ADSS2: variants seen among roughly 807,000 people sequenced by gnomAD.
The protein encoded by ADSS2 is adenylosuccinate synthase 2, also known as adenylosuccinate synthetase isozyme 2.
ADSS2 carries 30 observed loss-of-function variants against 60.0 expected under a neutral mutation model. That is an observed-to-expected ratio of 0.50 (90% CI 0.37 to 0.68). The LOEUF (loss-of-function observed/expected upper bound fraction) is 0.68. Ranked by LOEUF, ADSS2 falls within the 30% of genes least tolerant of loss-of-function variation. The pLI, the probability that ADSS2 is intolerant of heterozygous loss-of-function variation, is 0.00. For missense variants in ADSS2, 373 were observed against 554.8 expected, an observed-to-expected ratio of 0.67 and a Z score of 3.29; for synonymous variants, 187 against 193.1, an observed-to-expected ratio of 0.97 and a Z score of 0.26.
Position 244,432,586 on chromosome 1 carries a change from C to A in ADSS2, c.365G>T (p.Gly122Val). The A allele has an allele frequency of 6.4e-7, 1 of 1,573,664 alleles. No individual in the cohort carries two copies. The highest frequency in any genetic ancestry group is 8.7e-7 in the Non-Finnish European group (1 of 1,155,854). The change falls in exon 4 of 13, where the codon GGC becomes GTC. Residue 122 changes from glycine to valine, a missense_variant. Coordinates refer to ENST00000366535, the MANE Select transcript of ADSS2 (RefSeq NM_001126.5). ...KNVQKGKGLEGWEKRLIISDR... is the reference protein window; with the variant it reads ...KNVQKGKGLEVWEKRLIISDR... ...AGATATAATAAGCCTTTTTTCCCAG[C>A]CTTCTAGTCCTAGAAAGGGGAAAAA...
chr1:244,423,033 G>A (rs1191312065), intron 6 of ADSS2, 117 bp from the exon 7 acceptor site: 8 of 599,834 alleles, frequency 1.3e-5, no homozygotes, highest in African/African-American at 5.7e-5. Context: ...AATTAATCCT[G>A]AAACTGAAGT....
chr1:244,429,078 C>A (rs1462710136), intron 4 of ADSS2, among the ~76,000 whole-genome samples: 1 of 152,150 alleles, frequency 6.6e-6, no homozygotes, highest in Non-Finnish European at 1.5e-5. Context: ...CCAAGTACAG[C>A]ACTTAAATTA....
intron 11 of ADSS2, among the ~76,000 whole-genome samples, chr1:244,412,092 C>T (rs567725565): frequency 6.6e-6 from 1 of 152,166 alleles, no homozygotes. Context: ...GCTGCTGCCC[C>T]CCAGCAGCCC....
chr1:244,444,820 A>T (rs571706076), intron 1 of ADSS2, among the ~76,000 whole-genome samples: 18 of 152,284 alleles, frequency 1.2e-4, no homozygotes, highest in African/African-American at 3.9e-4. Flanking sequence ...AGCACATTAG[A>T]GTTTTGGAAA....
At position 244,411,378 on chromosome 1, in the gene ADSS2, G is replaced by T; in HGVS notation, c.1227C>A (p.Asn409Lys). 6 of 1,613,774 alleles carry T rather than the reference G, an allele frequency of 3.7e-6. No individual in the cohort carries two copies. The highest frequency in any genetic ancestry group is 5.1e-6 in the Non-Finnish European group (6 of 1,179,798). ...ACGCCCTTGCATTTGATATGTCTGT[G>T]TTCCATCCTGGGAGAGTCTTATATT... ...EVQYKTLPGW[N>K]TDISNARAFK... The change falls in exon 12 of 13, where the codon AAC (asparagine) becomes AAA (lysine). Residue 409 changes from asparagine to lysine, a missense_variant. By Grantham distance (94) the Asn-to-Lys change is moderately conservative. Around this residue, in one of 5 missense-constraint regions of ADSS2, gnomAD observed 130 missense variants for 169.4 expected, o/e 0.77. Coordinates refer to ENST00000366535, the MANE Select transcript of ADSS2 (RefSeq NM_001126.5).
chr1:244,438,557 G>C (rs1158900255), intron 1 of ADSS2, among the ~76,000 whole-genome samples: 5 of 151,554 alleles, frequency 3.3e-5, no homozygotes, highest in African/African-American at 9.7e-5. Context: ...AAAAAACATG[G>C]AAGAAAACAC....
At chr1:244,427,504 A>G (rs1355982754) in intron 4 of ADSS2, among the ~76,000 whole-genome samples, 1 of 152,198 alleles carries the variant, frequency 6.6e-6, no homozygotes, top group East Asian at 1.9e-4. Flanking sequence ...TAGTCTAAAC[A>G]TTCCAATTAA....
At chr1:244,433,927 C>G (rs1176042570) in intron 3 of ADSS2, among the ~76,000 whole-genome samples, 1 of 147,602 alleles carries the variant, frequency 6.8e-6, no homozygotes, top group African/African-American at 2.5e-5. Flanking sequence ...TAAAGTACTA[C>G]TGTCAATTAC....
chr1:244,432,468 T>C (rs1664967736), intron 4 of ADSS2, 77 bp downstream of exon 4: 1 of 1,076,780 alleles, frequency 9.3e-7, no homozygotes. Flanking sequence ...AAAGACAAAA[T>C]TAGTTACTAA....
At chr1:244,418,965 T>C in intron 8 of ADSS2, 51 bp from the exon 9 acceptor site, 1 of 1,452,108 alleles carries the variant, frequency 6.9e-7, no homozygotes, top group Non-Finnish European at 9.3e-7. Context: ...AATAACACAT[T>C]TTAAAACAGA....
intron 4 of ADSS2, 96 bp downstream of exon 4, chr1:244,432,449 A>C (rs1464432579): frequency 3.2e-6 from 3 of 925,720 alleles, no homozygotes; most frequent in Non-Finnish European, 4.9e-6. Flanking sequence ...CTTACGCTAA[A>C]TAAAAATAAA....
chr1:244,431,318 A>T (rs1664938708), intron 4 of ADSS2, among the ~76,000 whole-genome samples: 3 of 152,110 alleles, frequency 2.0e-5, no homozygotes. Context: ...TCCTTATCCA[A>T]ATTGCATGTT....
At chr1:244,427,770 A>G (rs898323030) in intron 4 of ADSS2, among the ~76,000 whole-genome samples, 4 of 152,214 alleles carry the variant, frequency 2.6e-5, no homozygotes, top group Admixed American at 6.5e-5. Context: ...TTTAAATCAC[A>G]TAATACAAAT....
At chr1:244,431,667 T>A (rs75702306) in intron 4 of ADSS2, among the ~76,000 whole-genome samples, 5,296 of 152,288 alleles carry the variant, frequency 0.035, 116 homozygotes, top group Middle Eastern at 0.082. Flanking sequence ...CTTTTCAGAC[T>A]TTACAGATTA....
At position 244,451,610 on chromosome 1, in the gene ADSS2, C is replaced by T. The variant is rs1222117293; in HGVS notation, c.183+25G>A. 2 of 1,593,378 alleles carry T rather than the reference C, an allele frequency of 1.3e-6. No individual in the cohort carries two copies. The highest frequency in any genetic ancestry group is 1.7e-6 in the Non-Finnish European group (2 of 1,169,198). On this transcript the variant is annotated intron_variant, in intron 1 of 12. Transcript: ENST00000366535. This position sits in a 1 kb window ranked among gnomAD's most constrained non-coding sequence, Gnocchi z 6.6. ...CAGCCCGAGCTCCCGGGCCCGGCTT[C>T]CCATGAGAGGCCCCGTCGCCTCACC... is the stretch of plus-strand genomic sequence containing the variant.
chr1:244,436,952 T>G (rs777272093), intron 2 of ADSS2, 59 bp from the exon 3 acceptor site: 4 of 1,419,022 alleles, frequency 2.8e-6, no homozygotes, highest in Non-Finnish European at 3.9e-6. Flanking sequence ...ATATGTAACT[T>G]AAAGGACATT....
rs189394261 is a variant in ADSS2 at position 244,419,098 on chromosome 1, G to A, written c.791-184C>T. The A allele has an allele frequency of 1.1e-3, 626 of 591,826 alleles. 1 individual carries two copies. The highest frequency in any genetic ancestry group is 1.5e-3 in the Non-Finnish European group (541 of 358,374). The allele number at this position is 591,826 out of a possible 1,614,324, so 36.7% of individuals were successfully genotyped here. A position where few individuals can be genotyped will look rare whatever the true frequency, so the allele number is the denominator to read the frequency against. ...ATTTTAGCTGTAATGACATAAAAAC[G>A]AGGTCAGAGCTTTAACGCAAGTGCT... On this transcript the variant is annotated intron_variant, in intron 8 of 12. Transcript: ENST00000366535.
chr1:244,436,955 A>C (rs1436656302), intron 2 of ADSS2, 62 bp from the exon 3 acceptor site: 36 of 1,403,022 alleles, frequency 2.6e-5, no homozygotes, highest in Non-Finnish European at 3.1e-5. Context: ...TGTAACTTAA[A>C]GGACATTCTG....
rs1665627075 is a variant in ADSS2, at chr1:244,451,845, A to G, written c.-28T>C. On this transcript the variant is annotated 5_prime_UTR_variant, in exon 1 of 13. Coordinates refer to ENST00000366535, the MANE Select transcript of ADSS2 (RefSeq NM_001126.5). The surrounding 1 kb of genome is among the most constrained non-coding windows in gnomAD (Gnocchi z 6.6). ...CTCCAGTGACGCGAGGAGAGCCCGA[A>G]GGAGAGGCGGCCGGCGAGGAGTGAG... The G allele has an allele frequency of 6.5e-7, 1 of 1,541,020 alleles. No individual in the cohort carries two copies. The highest frequency in any genetic ancestry group is 8.7e-7 in the Non-Finnish European group (1 of 1,146,468).
Sources: gnomAD v4.1 joint callset for allele counts (sites outside exome capture counted in the v4.1 genomes callset) on GRCh38, gnomAD v4.1.1 for gene constraint, gnomAD v4.1.1 regional missense constraint, Gnocchi (gnomAD v3.1) non-coding constraint, MANE v1.5 for transcripts, NCBI Gene and HGNC (gene_info 2026-07-23, HGNC 2026-07-21) for gene names.